The following ZNF41 variants were observed in gnomAD, a reference collection of about 807,000 sequenced individuals.
The protein encoded by ZNF41 is zinc finger protein 41.
ZNF41 carries 6 observed loss-of-function variants against 9.3 expected under a neutral mutation model. The ratio of observed to expected loss-of-function variants is 0.65; its 90% CI spans 0.35 to 1.28. The LOEUF (loss-of-function observed/expected upper bound fraction) is 1.28. Ranked by LOEUF, ZNF41 falls within the 50% of genes most tolerant of loss-of-function variation. The pLI is 0.03. For missense variants in ZNF41, 523 were observed against 585.8 expected (o/e 0.89, Z 1.11); for synonymous variants, 192 against 207.1 (o/e 0.93, Z 0.63).
chrX:47,448,389 GA>G lies in ZNF41; in HGVS notation c.1380del (p.His461IlefsTer134). 2 of 1,211,534 alleles carry G rather than the reference GA, an allele frequency of 1.7e-6. No individual in the cohort carries two copies. Among genetic ancestry groups the G allele is most frequent in the Non-Finnish European group, 2.2e-6 (2 of 895,539 alleles). On this transcript the variant is annotated frameshift_variant, in exon 5 of 5. Coordinates refer to ENST00000684689, the MANE Select transcript of ZNF41 (RefSeq NM_001324144.2). LOFTEE classifies it low-confidence loss of function (END_TRUNC). The stretch of plus-strand genomic sequence containing the variant: ...CATTCATACGGCTTTTCTCCAGTAT[GA>G]ATTCTCTGATGTGTGTTGAAATGTG... ...QKSHFNTHQR[I>X]HTGEKPYECS...
rs751370367 is a variant in ZNF41, at chrX:47,449,923, T to C, written c.296-449A>G. On this transcript the variant is annotated intron_variant, in intron 4 of 4. Coordinates refer to ENST00000684689, the MANE Select transcript of ZNF41 (RefSeq NM_001324144.2). ...AGAGTAACCAGAAGAAACTGCAGCC[T>C]GTGAGGGGAAGCTTGGCATGGAAGA... Among the ~76,000 whole-genome samples, 3 of 111,659 alleles carry C rather than the reference T, an allele frequency of 2.7e-5. No individual in the cohort carries two copies. In the South Asian group the frequency reaches 1.1e-3, roughly 42 times the overall value.
chrX:47,458,058 G>A (rs1007250130), intron 2 of ZNF41, among the ~76,000 whole-genome samples: 3 of 111,287 alleles, frequency 2.7e-5, no homozygotes, highest in African/African-American at 9.8e-5. Flanking sequence ...TTGAAATAAA[G>A]GTGGTAAAAC....
chrX:47,457,595 T>G (rs979477418), intron 2 of ZNF41, among the ~76,000 whole-genome samples: 1 of 111,396 alleles, frequency 9.0e-6, no homozygotes, highest in East Asian at 2.8e-4. Flanking sequence ...TCCCACCACT[T>G]TGGGAGGCTG....
chrX:47,456,527 T>C, intron 2 of ZNF41, 129 bp from the exon 3 acceptor site: 1 of 968,131 alleles, frequency 1.0e-6, no homozygotes, highest in East Asian at 3.4e-5. Flanking sequence ...GTACTTAGTT[T>C]TGTATTTTAT....
Position 47,467,548 on chromosome X carries a change from T to C in ZNF41, c.-67A>G. On this transcript the variant is annotated 5_prime_UTR_variant, in exon 2 of 5. Coordinates refer to ENST00000684689, the MANE Select transcript of ZNF41 (RefSeq NM_001324144.2). ...CCCCACTCTTCCCCAAGCTGGAAGC[T>C]GAGCTGGCATCTGTGGACTCAACCG... 8.8e-7 allele frequency: 1 copy of C among 1,142,222 alleles called. No individual in the cohort carries two copies. The highest frequency in any genetic ancestry group is 1.2e-6 in the Non-Finnish European group (1 of 851,907). The allele number at this position is 1,142,222 out of a possible 1,213,427, so 94.1% of individuals were successfully genotyped here.
At chrX:47,481,103 G>A (rs2057460455) in intron 1 of ZNF41, among the ~76,000 whole-genome samples, 1 of 111,454 alleles carries the variant, frequency 9.0e-6, no homozygotes, top group African/African-American at 3.3e-5. Flanking sequence ...ACTGCAATTA[G>A]AAAACATTAG....
Position 47,467,492 on chromosome X carries a change from G to A in ZNF41, c.-11C>T. On this transcript the variant is annotated 5_prime_UTR_variant, in exon 2 of 5. Transcript: ENST00000684689. The stretch of plus-strand genomic sequence containing the variant: ...CCCATTAGCTGCCATGTTCACGCTG[G>A]GCCTCAGCCCTCAGGCTCTCCTGCT... 3.4e-6 allele frequency: 4 copies of A among 1,180,617 alleles called. No homozygotes were observed. The highest frequency in any genetic ancestry group is 4.6e-6 in the Non-Finnish European group (4 of 878,746).
Position 47,480,105 on chromosome X carries a change from AAAG to A in ZNF41, c.-280+2987_-280+2989del, listed in dbSNP as rs759937936. Among the ~76,000 whole-genome samples, 23 of 111,640 alleles carry A rather than the reference AAAG, an allele frequency of 2.1e-4. No homozygotes were observed. The South Asian group carries it at 3.0e-3, about 14-fold the overall frequency. On this transcript the variant is annotated intron_variant, in intron 1 of 4. Transcript: ENST00000684689. Reference sequence around the variant, plus strand: ...AGAGCAAGACTCCATCTCAAAAAAAAAAGAAGAAGAATAAACGCACAAGAAAAT... The same window carrying A: ...AGAGCAAGACTCCATCTCAAAAAAAAAAGAAGAATAAACGCACAAGAAAAT...
At position 47,467,628 on chromosome X, in the gene ZNF41, T is replaced by G; in HGVS notation, c.-147A>C. ...AGAAGGAAGATCCTGCAGTTTCCAC[T>G]AAGAAGCCTGGCCCCCAGACTCTGC... On this transcript the variant is annotated 5_prime_UTR_variant, in exon 2 of 5. Coordinates refer to ENST00000684689, the MANE Select transcript of ZNF41 (RefSeq NM_001324144.2). The G allele has an allele frequency of 1.5e-6, 1 of 664,221 alleles. No individual in the cohort carries two copies. The highest frequency in any genetic ancestry group is 2.9e-5 in the Admixed American group (1 of 34,117). The allele number at this position is 664,221 out of a possible 1,213,427, so 54.7% of individuals were successfully genotyped here. A position where few individuals can be genotyped will look rare whatever the true frequency, so the allele number is the denominator to read the frequency against.
Position 47,447,607 on chromosome X carries a change from A to G in ZNF41, c.2163T>C (p.Cys721=). ...KSHTGERHYE[C]SKCGKAFIQK... ...GGATGAAAGCTTTCCCACATTTACTACATTCATAGTGTCTTTCTCCAGTAT... is the reference window on the plus strand; with the variant it reads ...GGATGAAAGCTTTCCCACATTTACTGCATTCATAGTGTCTTTCTCCAGTAT... The change falls in exon 5 of 5, where the codon TGT becomes TGC. Residue 721 remains cysteine (C), a synonymous_variant. Coordinates refer to ENST00000684689, the MANE Select transcript of ZNF41 (RefSeq NM_001324144.2). 1 of 1,211,550 alleles carries G rather than the reference A, an allele frequency of 8.3e-7. No homozygotes were observed. The highest frequency in any genetic ancestry group is 3.0e-5 in the East Asian group (1 of 33,848).
At chrX:47,454,845 A>G (rs1342497221) in intron 4 of ZNF41, among the ~76,000 whole-genome samples, 1 of 112,153 alleles carries the variant, frequency 8.9e-6, no homozygotes, top group Non-Finnish European at 1.9e-5. Flanking sequence ...CTCATAAACC[A>G]ATACTTCAGG....
intron 4 of ZNF41, 96 bp downstream of exon 4, chrX:47,455,825 T>C (rs182427692): frequency 2.4e-6 from 2 of 820,565 alleles, no homozygotes; most frequent in Non-Finnish European, 3.6e-6. Flanking sequence ...ACTTTCAAGA[T>C]GGGTTATCTT....
chrX:47,473,566 A>T (rs1248405698), intron 1 of ZNF41, among the ~76,000 whole-genome samples: 1 of 112,299 alleles, frequency 8.9e-6, no homozygotes, highest in Non-Finnish European at 1.9e-5. Flanking sequence ...CTTAAAAATC[A>T]TAATTGTTTT....
chrX:47,455,432 A>C lies in ZNF41; in HGVS notation c.295+489T>G, dbSNP rs750065063. The stretch of plus-strand genomic sequence containing the variant: ...AAATCACGTCTCTACAAAAAATACA[A>C]AAATTAGCTGGGCATGGTGGCATGT... On this transcript the variant is annotated intron_variant, in intron 4 of 4. Transcript: ENST00000684689. 3.7e-5 allele frequency among the ~76,000 whole-genome samples: 4 copies of C among 108,956 alleles called. No homozygotes were observed. In the South Asian group the frequency reaches 1.6e-3, roughly 44 times the overall value. 94.6% of individuals were successfully genotyped at this position (108,956 alleles called of 115,157 possible). A position where few individuals can be genotyped will look rare whatever the true frequency, so the allele number is the denominator to read the frequency against.
In ZNF41 at chrX:47,448,917, G is replaced by A. The variant is rs1435848700; in HGVS notation, c.853C>T (p.His285Tyr). 1.7e-6 allele frequency: 2 copies of A among 1,211,634 alleles called. No individual in the cohort carries two copies. Among genetic ancestry groups the A allele is most frequent in the South Asian group, 1.8e-5 (1 of 56,994 alleles). The change falls in exon 5 of 5, where the codon CAT (histidine) becomes TAT (tyrosine). Residue 285 changes from histidine to tyrosine, a missense_variant. Coordinates refer to ENST00000684689, the MANE Select transcript of ZNF41 (RefSeq NM_001324144.2). The stretch of plus-strand genomic sequence containing the variant: ...TGAATTCTCTGATGCTCAAACAGAT[G>A]TGACTTCTGAGTGAAGCCCATTACA... ...ECVMGFTQKS[H>Y]LFEHQRIHAG...
chrX:47,474,836 C>T (rs1183061699), intron 1 of ZNF41, among the ~76,000 whole-genome samples: 1 of 103,280 alleles, frequency 9.7e-6, no homozygotes, highest in Non-Finnish European at 2.0e-5. Flanking sequence ...GATGATGGCC[C>T]TACTGTACTT....
chrX:47,471,590 C>T (rs1213921675), intron 1 of ZNF41, among the ~76,000 whole-genome samples: 1 of 111,425 alleles, frequency 9.0e-6, no homozygotes, highest in Non-Finnish European at 1.9e-5. Flanking sequence ...GTGTTATAGT[C>T]TTAATTAATG....
rs775508230 is a variant in ZNF41 at position 47,447,310 on chromosome X, C to T, written c.*120G>A. ...TGGCTCTGTTTGCCTTCAGTTCACT[C>T]AAGCCTCAGTCTCTCATACCCATTT... On this transcript the variant is annotated 3_prime_UTR_variant, in exon 5 of 5. Transcript: ENST00000684689. The T allele has an allele frequency of 2.2e-5, 22 of 1,016,112 alleles. No individual in the cohort carries two copies. The East Asian group carries it at 5.5e-4, about 25-fold the overall frequency. The allele number at this position is 1,016,112 out of a possible 1,213,427, so 83.7% of individuals were successfully genotyped here. A position where few individuals can be genotyped will look rare whatever the true frequency, so the allele number is the denominator to read the frequency against.
intron 2 of ZNF41, among the ~76,000 whole-genome samples, chrX:47,460,440 A>G (rs1012927768): frequency 1.7e-4 from 19 of 112,208 alleles, no homozygotes; most frequent in Middle Eastern, 4.6e-3. Context: ...TAGAACTACT[A>G]TTCATTTAAA....
Sources: allele counts gnomAD v4.1 joint callset (sites outside exome capture counted in the v4.1 genomes callset), GRCh38; gene constraint gnomAD v4.1.1; transcripts MANE v1.5; gene names NCBI Gene and HGNC (gene_info 2026-07-23, HGNC 2026-07-21).